The following PLXNA4 variants were observed in gnomAD, a reference collection of about 807,000 sequenced individuals.
PLXNA4 encodes the protein plexin-A4.
PLXNA4 carries 44 observed loss-of-function variants against 191.8 expected under a neutral mutation model. The observed-to-expected ratio is 0.23, with a 90% CI of 0.18 to 0.29. The LOEUF (loss-of-function observed/expected upper bound fraction) is 0.29, where lower values mean the gene tolerates loss of function less well. Among genes scored for constraint, PLXNA4 ranks in the 10% least tolerant of loss-of-function variants. The pLI is 1.00. For synonymous variants in PLXNA4, 1,082 were observed against 1,009.5 expected, an observed-to-expected ratio of 1.07 and a Z score of -1.36; for missense variants, 1,800 against 2,488.8, an observed-to-expected ratio of 0.72 and a Z score of 5.89.
Position 132,159,498 on chromosome 7 carries a change from C to T in PLXNA4, c.4635G>A (p.Arg1545=). The T allele has an allele frequency of 1.2e-6, 2 of 1,614,126 alleles. No individual in the cohort carries two copies. Among genetic ancestry groups the T allele is most frequent in the Non-Finnish European group, 1.7e-6 (2 of 1,180,004 alleles). The part of the protein sequence containing the change: ...AIFKNVPCSH[R]PKAADMDLEW... ...CCAGATCCATATCTGCAGCTTTGGG[C>T]CGGTGGGAGCAAGGCACATTCTTGA... The change falls in exon 25 of 32, where the codon CGG becomes CGA. Residue 1545 remains arginine (R), a synonymous_variant. Coordinates refer to ENST00000321063, the MANE Select transcript of PLXNA4 (RefSeq NM_020911.2).
intron 3 of PLXNA4, among the ~76,000 whole-genome samples, chr7:132,438,019 G>C (rs777713223): frequency 6.6e-6 from 1 of 152,240 alleles, no homozygotes; most frequent in Non-Finnish European, 1.5e-5. Flanking sequence ...TGCATCCAGC[G>C]TGTGGTTGTG....
intron 14 of PLXNA4, among the ~76,000 whole-genome samples, chr7:132,189,772 G>A (rs1797031121): frequency 6.6e-6 from 1 of 152,106 alleles, no homozygotes; most frequent in Non-Finnish European, 1.5e-5. Flanking sequence ...TCAACCCCCT[G>A]CGGAGACTCA....
intron 4 of PLXNA4, among the ~76,000 whole-genome samples, chr7:132,296,328 T>G (rs1283376683): frequency 6.6e-6 from 1 of 152,194 alleles, no homozygotes; most frequent in African/African-American, 2.4e-5. Flanking sequence ...GAACAAGGAT[T>G]CAGATGGGCA....
intron 1 of PLXNA4, among the ~76,000 whole-genome samples, chr7:132,574,458 A>G (rs900691802): frequency 2.0e-5 from 3 of 152,244 alleles, no homozygotes; most frequent in Non-Finnish European, 4.4e-5. Flanking sequence ...CATTTCTTCC[A>G]CAGCCCGGAA....
Position 132,576,383 on chromosome 7 carries a change from G to T in PLXNA4, c.-87+39C>A. The T allele has an allele frequency of 1.0e-6, 1 of 985,630 alleles. No homozygotes were observed. Among genetic ancestry groups the T allele is most frequent in the South Asian group, 4.7e-5 (1 of 21,268 alleles). 61.1% of individuals were successfully genotyped at this position (985,630 alleles called of 1,614,324 possible). ...TCTGTCCGACCTTGCTGCCCTCGCCGCCCGCCCGGCCCCACTCCCCGGCGG... is the reference window on the plus strand; with the variant it reads ...TCTGTCCGACCTTGCTGCCCTCGCCTCCCGCCCGGCCCCACTCCCCGGCGG... On this transcript the variant is annotated intron_variant, in intron 1 of 31. Coordinates refer to ENST00000321063, the MANE Select transcript of PLXNA4 (RefSeq NM_020911.2). This position sits in a 1 kb window ranked among gnomAD's most constrained non-coding sequence, Gnocchi z 5.8.
chr7:132,331,572 T>C lies in PLXNA4; in HGVS notation c.1372-33350A>G, dbSNP rs549333094. On this transcript the variant is annotated intron_variant, in intron 3 of 31. Coordinates refer to ENST00000321063, the MANE Select transcript of PLXNA4 (RefSeq NM_020911.2). ...CAGATCCTGTGGTTATAGGGAGTGG[T>C]CAGGAGCAATTTTCTATTAGGTCCA... is the stretch of plus-strand genomic sequence containing the variant. 1.2e-3 allele frequency among the ~76,000 whole-genome samples: 177 copies of C among 152,340 alleles called. 1 individual carries two copies. Among genetic ancestry groups the C allele is most frequent in the Admixed American group, 3.0e-3 (46 of 15,300 alleles).
intron 21 of PLXNA4, among the ~76,000 whole-genome samples, chr7:132,173,777 A>G (rs1223076471): frequency 3.9e-5 from 6 of 152,190 alleles, no homozygotes; most frequent in Non-Finnish European, 8.8e-5. Flanking sequence ...AATTAATCTT[A>G]GTTTGCATTG....
chr7:132,553,286 G>A lies in PLXNA4; in HGVS notation c.-87+23136C>T, dbSNP rs146121373. Among the ~76,000 whole-genome samples, 814 of 152,308 alleles carry A rather than the reference G, an allele frequency of 5.3e-3. 2 individuals are homozygous for A. The highest frequency in any genetic ancestry group is 0.044 in the Middle Eastern group (13 of 294). ...TAAAGGAAGTGTGGGGACATGGCAGGAGGCAGCTCTCAGCAGCCCTTAGGC... is the reference window on the plus strand; with the variant it reads ...TAAAGGAAGTGTGGGGACATGGCAGAAGGCAGCTCTCAGCAGCCCTTAGGC... On this transcript the variant is annotated intron_variant, in intron 1 of 31. Coordinates refer to ENST00000321063, the MANE Select transcript of PLXNA4 (RefSeq NM_020911.2).
chr7:132,612,487 CT>C (rs1803069285), intron 2 of PLXNA4, among the ~76,000 whole-genome samples: 1 of 151,840 alleles, frequency 6.6e-6, no homozygotes, highest in Non-Finnish European at 1.5e-5. Context: ...ATGGTGAAAC[CT>C]CCATCTCTAC....
chr7:132,562,982 CCT>C (rs1801343993), intron 1 of PLXNA4, among the ~76,000 whole-genome samples: 4 of 96,412 alleles, frequency 4.1e-5, no homozygotes, highest in East Asian at 3.2e-4. Context: ...CCCTCCTCCT[CCT>C]TCTCCTCCTC....
intron 14 of PLXNA4, among the ~76,000 whole-genome samples, chr7:132,188,840 A>C (rs999431164): frequency 6.6e-6 from 1 of 151,734 alleles, no homozygotes; most frequent in Non-Finnish European, 1.5e-5. Context: ...GGGCTGAGCC[A>C]AAAAGTGGTG....
At chr7:132,429,175 GA>G (rs1245502842) in intron 3 of PLXNA4, among the ~76,000 whole-genome samples, 2 of 152,162 alleles carry the variant, frequency 1.3e-5, no homozygotes, top group African/African-American at 4.8e-5. Context: ...GACCAAGAGA[GA>G]AAAGGTCTTG....
chr7:132,577,189 CCCCGGCCCCCCGGGCGGGCT>C (rs1204608651), upstream of PLXNA4: 2 of 147,478 alleles, frequency 1.4e-5, no homozygotes, highest in African/African-American at 2.4e-5. Flanking sequence ...CCGGGCGCGC[CCCCGGCCCCCCGGGCGGGCT>C]GCTCGCAAAG....
Position 132,174,837 on chromosome 7 carries a change from A to G in PLXNA4, c.3958T>C (p.Tyr1320His), listed in dbSNP as rs967523591. 2 of 1,614,210 alleles carry G rather than the reference A, an allele frequency of 1.2e-6. No individual in the cohort carries two copies. The highest frequency in any genetic ancestry group is 1.1e-5 in the South Asian group (1 of 91,080). The change falls in exon 21 of 32, where the codon TAC (tyrosine) becomes CAC (histidine). Residue 1320 changes from tyrosine to histidine, a missense_variant. This residue lies in a region of PLXNA4 where 1,397 missense variants were observed against 1,880.4 expected (regional missense o/e 0.74). Transcript: ENST00000321063. ...AGIPFLDYRT[Y>H]TMRVLFPGIE... ...CCTGGGAACAGCACCCGCATGGTGT[A>G]AGTTCTATAGTCCAGGAACGGAATC...
At position 132,126,601 on chromosome 7, in the gene PLXNA4, G is replaced by C. The variant is rs1478334575; in HGVS notation, c.*3878C>G. On this transcript the variant is annotated 3_prime_UTR_variant, in exon 32 of 32. Coordinates refer to ENST00000321063, the MANE Select transcript of PLXNA4 (RefSeq NM_020911.2). Reference sequence around the variant, plus strand: ...TGGGCGCAGGTAGCTGGGCCTGAGGGGACCAGGTCAGAGACTTTTCCTGTG... The same window carrying C: ...TGGGCGCAGGTAGCTGGGCCTGAGGCGACCAGGTCAGAGACTTTTCCTGTG... 2 of 151,370 alleles carry C rather than the reference G, an allele frequency of 1.3e-5. No homozygotes were observed. The highest frequency in any genetic ancestry group is 2.4e-5 in the African/African-American group (1 of 41,318). The allele number at this position is 151,370 out of a possible 1,614,324, so 9.4% of individuals were successfully genotyped here. A position where few individuals can be genotyped will look rare whatever the true frequency, so the allele number is the denominator to read the frequency against.
At chr7:132,223,156 C>T (rs1022294074) in intron 9 of PLXNA4, among the ~76,000 whole-genome samples, 1 of 152,154 alleles carries the variant, frequency 6.6e-6, no homozygotes, top group African/African-American at 2.4e-5. Flanking sequence ...TGAACAGTGC[C>T]CTGAGGAACA....
intron 1 of PLXNA4, among the ~76,000 whole-genome samples, chr7:132,539,068 C>A (rs534452051): frequency 1.1e-4 from 17 of 152,336 alleles, no homozygotes; most frequent in Admixed American, 2.6e-4. Flanking sequence ...CACCCTCTCA[C>A]CCTCCTTGCT....
intron 25 of PLXNA4, among the ~76,000 whole-genome samples, chr7:132,152,984 G>T (rs1795689795): frequency 6.6e-6 from 1 of 152,216 alleles, no homozygotes; most frequent in South Asian, 2.1e-4. Context: ...GCTGGGCATG[G>T]CCAACTGGGC....
intron 3 of PLXNA4, among the ~76,000 whole-genome samples, chr7:132,376,853 C>G (rs1804677400): frequency 6.6e-6 from 1 of 152,228 alleles, no homozygotes; most frequent in African/African-American, 2.4e-5. Context: ...TTGATCCTCT[C>G]TGTCTTCCCA....
Sources: allele counts gnomAD v4.1 joint callset (sites outside exome capture counted in the v4.1 genomes callset), GRCh38; gene constraint gnomAD v4.1.1; regional missense constraint gnomAD v4.1.1; non-coding constraint Gnocchi (gnomAD v3.1); transcripts MANE v1.5; gene names NCBI Gene and HGNC (gene_info 2026-07-23, HGNC 2026-07-21).